The following TBC1D5 variants were observed in gnomAD, a reference collection of about 807,000 sequenced individuals.
TBC1D5 encodes TBC1 domain family, member 5.
In TBC1D5, 75 loss-of-function variants were observed where a neutral mutation model predicts 100.3. That is an observed-to-expected ratio of 0.75 (90% CI 0.62 to 0.91). TBC1D5 has a LOEUF of 0.91. TBC1D5 is among the 40% of genes least tolerant of loss of function. The probability of loss-of-function intolerance (pLI) is 0.00; values close to 1 mark genes in which losing one functional copy is unlikely to be tolerated. For synonymous variants in TBC1D5, 323 were observed against 325.6 expected (o/e 0.99, Z 0.09); for missense variants, 910 against 942.4 (o/e 0.97, Z 0.45).
At chr3:17,607,891 T>G (rs970964292) in intron 2 of TBC1D5, among the ~76,000 whole-genome samples, 26 of 152,082 alleles carry the variant, frequency 1.7e-4, no homozygotes, top group African/African-American at 6.0e-4. Flanking sequence ...ATTCTGACAT[T>G]CAACACCACT....
At chr3:17,741,623 T>C (rs116336401), upstream of TBC1D5, among the ~76,000 whole-genome samples, 6 of 152,178 alleles carry the variant, frequency 3.9e-5, no homozygotes, top group East Asian at 1.9e-4. Context: ...AAAGTTATTA[T>C]TCGAAAAAAA....
At chr3:17,502,522 T>G (rs1184520889) in intron 3 of TBC1D5, among the ~76,000 whole-genome samples, 1 of 149,420 alleles carries the variant, frequency 6.7e-6, no homozygotes, top group Non-Finnish European at 1.5e-5. Flanking sequence ...AGTCCTCTTC[T>G]TGGCCTACAT....
intron 1 of TBC1D5, among the ~76,000 whole-genome samples, chr3:17,660,379 C>T (rs2066520844): frequency 6.6e-6 from 1 of 152,200 alleles, no homozygotes; most frequent in Admixed American, 6.5e-5. Context: ...CCTACCCAGT[C>T]TCCCTCAAGT....
chr3:17,543,895 G>A lies in TBC1D5; in HGVS notation c.-35-35290C>T, dbSNP rs531741272. ...TTTTTTTCTTTTTTTTTGAGACAGA[G>A]TCTTGCTCTGTCTCCAGGCTGGAGT... On this transcript the variant is annotated intron_variant, in intron 2 of 21. Transcript: ENST00000253692. Among the ~76,000 whole-genome samples the A allele has an allele frequency of 1.4e-3, 216 of 150,910 alleles. 1 individual carries two copies. The highest frequency in any genetic ancestry group is 4.9e-3 in the African/African-American group (201 of 41,074).
rs80292262 is a variant in TBC1D5 at position 17,414,506 on chromosome 3, T to C, written c.168-7980A>G. Among the ~76,000 whole-genome samples, 1,207 of 152,288 alleles carry C rather than the reference T, an allele frequency of 7.9e-3. 10 individuals are homozygous for C. Among genetic ancestry groups the C allele is most frequent in the Non-Finnish European group, 0.014 (952 of 68,018 alleles). Reference sequence around the variant, plus strand: ...ATATACTTTTAGGCCATTTTAAAGGTATGATTTTGAAAATACTATTCAAAT... The same window carrying C: ...ATATACTTTTAGGCCATTTTAAAGGCATGATTTTGAAAATACTATTCAAAT... On this transcript the variant is annotated intron_variant, in intron 4 of 21. Transcript: ENST00000253692.
intron 8 of TBC1D5, among the ~76,000 whole-genome samples, chr3:17,401,871 C>T (rs73156383): frequency 0.091 from 13,852 of 152,038 alleles, 1,426 homozygotes; most frequent in African/African-American, 0.26. Context: ...ACTGAGGCAA[C>T]TCCTTCTTTT....
chr3:17,167,407 T>G (rs41285049), intron 20 of TBC1D5, among the ~76,000 whole-genome samples: 12,314 of 152,238 alleles, frequency 0.081, 516 homozygotes, highest in Non-Finnish European at 0.091. Flanking sequence ...TAGGTACTAA[T>G]TATGACTTGT....
intron 2 of TBC1D5, among the ~76,000 whole-genome samples, chr3:17,561,437 A>T (rs1187969301): frequency 6.6e-6 from 1 of 152,196 alleles, no homozygotes; most frequent in Non-Finnish European, 1.5e-5. Context: ...TCTTAAGAAG[A>T]TTATAAAAAC....
At chr3:17,362,511 G>A (rs557133285) in intron 13 of TBC1D5, among the ~76,000 whole-genome samples, 31 of 151,548 alleles carry the variant, frequency 2.0e-4, no homozygotes, top group South Asian at 6.3e-4. Context: ...TCACTCTGTC[G>A]TCCAGGCTGG....
At position 17,527,378 on chromosome 3, in the gene TBC1D5, A is replaced by G. The variant is rs534812549; in HGVS notation, c.-35-18773T>C. Among the ~76,000 whole-genome samples the G allele has an allele frequency of 3.9e-5, 6 of 152,252 alleles. No individual in the cohort carries two copies. In the South Asian group the frequency reaches 1.2e-3, roughly 32 times the overall value. On this transcript the variant is annotated intron_variant, in intron 2 of 21. Coordinates refer to ENST00000253692, the Ensembl canonical transcript of TBC1D5. ...GGAAATAGCTTGGAGGTCTGGAGATACTGGGGGAAAAAGAAGGGGAAACAG... is the reference window on the plus strand; with the variant it reads ...GGAAATAGCTTGGAGGTCTGGAGATGCTGGGGGAAAAAGAAGGGGAAACAG...
chr3:17,647,644 G>C (rs2065134898), intron 1 of TBC1D5, among the ~76,000 whole-genome samples: 1 of 152,170 alleles, frequency 6.6e-6, no homozygotes, highest in Non-Finnish European at 1.5e-5. Flanking sequence ...TGTGACTGCA[G>C]TAGGGGGAAG....
Position 17,328,515 on chromosome 3 carries a change from C to T in TBC1D5, c.996-20381G>A, listed in dbSNP as rs575562439. Among the ~76,000 whole-genome samples, 15 of 152,320 alleles carry T rather than the reference C, an allele frequency of 9.8e-5. No homozygotes were observed. In the East Asian group the frequency reaches 1.9e-3, roughly 20 times the overall value. On this transcript the variant is annotated intron_variant, in intron 13 of 21. Coordinates refer to ENST00000253692, the Ensembl canonical transcript of TBC1D5. ...AATGAGGAAAAGTGATTTGTCCGGT[C>T]ATCACTGAGACAGTGGCAGAACTGG...
At chr3:17,678,802 T>C (rs1403488847) in intron 1 of TBC1D5, among the ~76,000 whole-genome samples, 1 of 150,750 alleles carries the variant, frequency 6.6e-6, no homozygotes, top group African/African-American at 2.5e-5. Flanking sequence ...AGACATATTA[T>C]CATAGAATTT....
intron 2 of TBC1D5, among the ~76,000 whole-genome samples, chr3:17,557,996 T>G (rs899771977): frequency 5.9e-5 from 9 of 152,202 alleles, no homozygotes; most frequent in Admixed American, 5.9e-4. Flanking sequence ...TCTTGTGGAT[T>G]AGAGTAACCC....
At chr3:17,698,720 A>G (rs1284994502) in intron 1 of TBC1D5, among the ~76,000 whole-genome samples, 1 of 150,680 alleles carries the variant, frequency 6.6e-6, no homozygotes, top group Non-Finnish European at 1.5e-5. Context: ...AACCCCATCA[A>G]AAAGTGGGCA....
At chr3:17,712,178 T>C (rs1478924080) in intron 1 of TBC1D5, among the ~76,000 whole-genome samples, 1 of 152,100 alleles carries the variant, frequency 6.6e-6, no homozygotes, top group African/African-American at 2.4e-5. Context: ...CATTTCTATG[T>C]GTTACTCTCT....
intron 3 of TBC1D5, among the ~76,000 whole-genome samples, chr3:17,494,197 G>A (rs1026517441): frequency 1.9e-4 from 29 of 152,180 alleles, no homozygotes; most frequent in African/African-American, 6.7e-4. Flanking sequence ...GTCCACCTGA[G>A]ACCCTATTCG....
chr3:17,243,008 G>A (rs1390595589), intron 16 of TBC1D5, among the ~76,000 whole-genome samples: 1 of 152,138 alleles, frequency 6.6e-6, no homozygotes, highest in Non-Finnish European at 1.5e-5. Context: ...GAAATAATGC[G>A]TGTTCAGATA....
intron 16 of TBC1D5, among the ~76,000 whole-genome samples, chr3:17,251,757 C>T (rs1010197365): frequency 1.3e-5 from 2 of 152,154 alleles, no homozygotes; most frequent in Non-Finnish European, 2.9e-5. Flanking sequence ...CTTACTTGCA[C>T]ATTTCTTTTT....
Sources: gnomAD v4.1 joint callset for allele counts (sites outside exome capture counted in the v4.1 genomes callset) on GRCh38, gnomAD v4.1.1 for gene constraint, MANE v1.5 for transcripts, NCBI Gene and HGNC (gene_info 2026-07-23, HGNC 2026-07-21) for gene names.